The following ZNF135 variants were observed in gnomAD, a reference collection of about 807,000 sequenced individuals.
ZNF135 encodes the protein zinc finger protein 135.
A neutral mutation model predicts 12.3 loss-of-function variants in ZNF135; 11 were observed. The observed-to-expected ratio is 0.89, with a 90% CI of 0.56 to 1.48. The LOEUF (loss-of-function observed/expected upper bound fraction) is 1.48, where lower values mean the gene tolerates loss of function less well. Among genes scored for constraint, ZNF135 ranks in the 40% most tolerant of loss-of-function variants. The pLI, the probability that ZNF135 is intolerant of heterozygous loss-of-function variation, is 0.00. For missense variants in ZNF135, 722 were observed against 815.7 expected, an observed-to-expected ratio of 0.89 and a Z score of 1.40; for synonymous variants, 316 against 312.0, an observed-to-expected ratio of 1.01 and a Z score of -0.14.
rs760932708 is a variant in ZNF135 at position 58,066,989 on chromosome 19, A to T, written c.505A>T (p.Ile169Leu). 1 of 1,614,218 alleles carries T rather than the reference A, an allele frequency of 6.2e-7. No homozygotes were observed. Among genetic ancestry groups the T allele is most frequent in the African/African-American group, 1.3e-5 (1 of 75,068 alleles). ...QWQRNGFGEN[I>L]SLNPDLPHQP... ...GCAGAGGAATGGGTTTGGGGAAAAC[A>T]TAAGTCTGAACCCTGATCTCCCACA... Residue 169 changes from isoleucine (I) to leucine (L), a missense_variant, in exon 5 of 5, where the codon ATA (isoleucine) becomes TTA (leucine). Ile to Leu is a conservative substitution (Grantham distance 5). Coordinates refer to ENST00000313434, the MANE Select transcript of ZNF135 (RefSeq NM_001289401.2).
rs966702382 is a variant in ZNF135 at position 58,060,431 on chromosome 19, T to A, written c.33+396T>A. The A allele has an allele frequency of 3.5e-6, 4 of 1,137,242 alleles. No homozygotes were observed. The African/African-American group carries it at 6.5e-5, about 19-fold the overall frequency. The allele number at this position is 1,137,242 out of a possible 1,614,324, so 70.4% of individuals were successfully genotyped here. The stretch of plus-strand genomic sequence containing the variant: ...GGCACGGGTCCCTGTCTGAGTGGGC[T>A]TTATGTTTGTGCGGCCGTCATTGCA... On this transcript the variant is annotated intron_variant, in intron 2 of 4. Transcript: ENST00000313434. This position sits in a 1 kb window ranked among gnomAD's most constrained non-coding sequence, Gnocchi z 4.9.
rs897103721 is a variant in ZNF135, at chr19:58,060,175, C to A, written c.33+140C>A. 9.9e-6 allele frequency: 15 copies of A among 1,520,634 alleles called. No individual in the cohort carries two copies. In the East Asian group the frequency reaches 2.2e-4, roughly 22 times the overall value. The allele number at this position is 1,520,634 out of a possible 1,614,324, so 94.2% of individuals were successfully genotyped here. ...CCTCCTTGTGCCCGGCCCCTACTTG[C>A]GTGCCCGGCCCCTACTCGTGCCCGG... On this transcript the variant is annotated intron_variant, in intron 2 of 4. Coordinates refer to ENST00000313434, the MANE Select transcript of ZNF135 (RefSeq NM_001289401.2). The surrounding 1 kb of genome is among the most constrained non-coding windows in gnomAD (Gnocchi z 4.9).
rs1353099243 is a variant in ZNF135, at chr19:58,060,855, G to C, written c.34-725G>C. 6.6e-6 allele frequency among the ~76,000 whole-genome samples: 1 copy of C among 152,064 alleles called. No homozygotes were observed. Among genetic ancestry groups the C allele is most frequent in the Non-Finnish European group, 1.5e-5 (1 of 68,008 alleles). ...AACAAACCCAGATTTGGCCGGGCGCGGTGGCTCGCACCTGTAATCCCAGCA... is the reference window on the plus strand; with the variant it reads ...AACAAACCCAGATTTGGCCGGGCGCCGTGGCTCGCACCTGTAATCCCAGCA... On this transcript the variant is annotated intron_variant, in intron 2 of 4. Transcript: ENST00000313434. The surrounding 1 kb of genome is among the most constrained non-coding windows in gnomAD (Gnocchi z 4.9).
In ZNF135 at chr19:58,059,305, A is replaced by C; in HGVS notation, c.-40A>C. The C allele has an allele frequency of 1.6e-6, 2 of 1,278,644 alleles. No individual in the cohort carries two copies. The highest frequency in any genetic ancestry group is 1.3e-5 in the South Asian group (1 of 79,106). The allele number at this position is 1,278,644 out of a possible 1,614,324, so 79.2% of individuals were successfully genotyped here. ...GTGCCGCGGCCTTTGTCTCGCAGTC[A>C]GGAGGGTGAGCTAGGCCGGCGAGGA... On this transcript the variant is annotated 5_prime_UTR_variant, in exon 1 of 5. Coordinates refer to ENST00000313434, the MANE Select transcript of ZNF135 (RefSeq NM_001289401.2). The surrounding 1 kb of genome is among the most constrained non-coding windows in gnomAD (Gnocchi z 6.5).
In ZNF135 at chr19:58,067,071, G is replaced by T. The variant is rs1449744861; in HGVS notation, c.587G>T (p.Arg196Met). The T allele has an allele frequency of 6.2e-7, 1 of 1,614,094 alleles. No homozygotes were observed. Among genetic ancestry groups the T allele is most frequent in the Non-Finnish European group, 8.5e-7 (1 of 1,180,052 alleles). ...SPHTWGTRGKREKPDLNVLQK... is the reference protein window; with the variant it reads ...SPHTWGTRGKMEKPDLNVLQK... ...CACACATGGGGAACACGTGGAAAAA[G>T]GGAGAAGCCAGACCTAAATGTTTTA... The change falls in exon 5 of 5, where the codon AGG (arginine) becomes ATG (methionine). Residue 196 changes from arginine (R) to methionine (M), a missense_variant. Physicochemically the swap from Arg to Met is moderately conservative, Grantham distance 91 (BLOSUM62 -1). Coordinates refer to ENST00000313434, the MANE Select transcript of ZNF135 (RefSeq NM_001289401.2).
chr19:58,066,041 T>G (rs2145933969), intron 4 of ZNF135, among the ~76,000 whole-genome samples: 1 of 152,312 alleles, frequency 6.6e-6, no homozygotes. Context: ...GAGCTCTTGC[T>G]GTGGGCTATA....
chr19:58,060,720 C>T lies in ZNF135; in HGVS notation c.33+685C>T, dbSNP rs984627125. Among the ~76,000 whole-genome samples, 1 of 152,178 alleles carries T rather than the reference C, an allele frequency of 6.6e-6. No homozygotes were observed. The highest frequency in any genetic ancestry group is 2.4e-5 in the African/African-American group (1 of 41,442). On this transcript the variant is annotated intron_variant, in intron 2 of 4. Transcript: ENST00000313434. The surrounding 1 kb of genome is among the most constrained non-coding windows in gnomAD (Gnocchi z 4.9). ...CGATGGCTTGTAGCTGTAATCCCAG[C>T]TATGGGGGAGGATTGCTTGAGCCCA... is the stretch of plus-strand genomic sequence containing the variant.
At position 58,067,392 on chromosome 19, in the gene ZNF135, G is replaced by T; in HGVS notation, c.908G>T (p.Cys303Phe). ...TGEKPYECSE[C>F]GKSFSFRSSF... ...GAGAAGCCCTATGAATGCAGCGAATGTGGGAAATCCTTCAGTTTTAGGTCC... is the reference window on the plus strand; with the variant it reads ...GAGAAGCCCTATGAATGCAGCGAATTTGGGAAATCCTTCAGTTTTAGGTCC... The change falls in exon 5 of 5, where the codon TGT (cysteine) becomes TTT (phenylalanine). Residue 303 changes from cysteine to phenylalanine, a missense_variant. Physicochemically the swap from Cys to Phe is radical, Grantham distance 205. Transcript: ENST00000313434. 6.2e-7 allele frequency: 1 copy of T among 1,614,218 alleles called. No homozygotes were observed. The highest frequency in any genetic ancestry group is 8.5e-7 in the Non-Finnish European group (1 of 1,180,032).
rs745838106 is a variant in ZNF135 at position 58,068,380 on chromosome 19, G to T, written c.1896G>T (p.Lys632Asn). Residue 632 changes from lysine (K) to asparagine (N), a missense_variant, in exon 5 of 5, where the codon AAG becomes AAT. Lys to Asn is a moderately conservative substitution (Grantham distance 94). Transcript: ENST00000313434. ...TQHRRIHTGEKPYACRDCGKA... is the reference protein window; with the variant it reads ...TQHRRIHTGENPYACRDCGKA... ...ACCGGAGGATCCACACAGGAGAGAA[G>T]CCATATGCATGCAGGGACTGTGGAA... 10 of 1,614,064 alleles carry T rather than the reference G, an allele frequency of 6.2e-6. No individual in the cohort carries two copies. The highest frequency in any genetic ancestry group is 8.5e-6 in the Non-Finnish European group (10 of 1,180,040).
In ZNF135 at chr19:58,069,072, A is replaced by G. The variant is rs914249119; in HGVS notation, c.*611A>G. The G allele has an allele frequency of 6.4e-6, 1 of 155,168 alleles. No homozygotes were observed. The highest frequency in any genetic ancestry group is 6.3e-5 in the Admixed American group (1 of 15,920). 9.6% of individuals were successfully genotyped at this position (155,168 alleles called of 1,614,324 possible). On this transcript the variant is annotated 3_prime_UTR_variant, in exon 5 of 5. Coordinates refer to ENST00000313434, the MANE Select transcript of ZNF135 (RefSeq NM_001289401.2). ...AAACAGCTGTCTTGTCTGTGTGTAT[A>G]TTGTTTGATCAGGGTACATGGCAGC...
rs145049334 is a variant in ZNF135, at chr19:58,063,696, C to T, written c.256+155C>T. ...CCCATTTTGCTGTGAGTGACGACAC[C>T]ACGTCCTCATCTCCACTGAATTTAT... On this transcript the variant is annotated intron_variant, in intron 4 of 4. Transcript: ENST00000313434. This position sits in a 1 kb window ranked among gnomAD's most constrained non-coding sequence, Gnocchi z 4.4. 389 of 1,422,426 alleles carry T rather than the reference C, an allele frequency of 2.7e-4. 1 individual carries two copies. In the African/African-American group the frequency reaches 5.3e-3, roughly 19 times the overall value. The allele number at this position is 1,422,426 out of a possible 1,614,324, so 88.1% of individuals were successfully genotyped here.
chr19:58,064,103 C>T (rs546402055), intron 4 of ZNF135, among the ~76,000 whole-genome samples: 73 of 152,310 alleles, frequency 4.8e-4, no homozygotes, highest in African/African-American at 1.4e-3. Flanking sequence ...CTGGGCCCTA[C>T]GCCATGTGCC....
chr19:58,059,340 GAGGCC>G lies in ZNF135; in HGVS notation c.-35+36_-35+40del, dbSNP rs747519393. ...GCTAGGCCGGCGAGGAGGGGGAGGG[GAGGCC>G]AGGCCGGGCCGGGCCGGGCCGGGTG... On this transcript the variant is annotated intron_variant, in intron 1 of 4. Transcript: ENST00000313434. The surrounding 1 kb of genome is among the most constrained non-coding windows in gnomAD (Gnocchi z 6.5). 10 of 1,342,446 alleles carry G rather than the reference GAGGCC, an allele frequency of 7.4e-6. No individual in the cohort carries two copies. The highest frequency in any genetic ancestry group is 4.1e-5 in the African/African-American group (2 of 48,640). 83.2% of individuals were successfully genotyped at this position (1,342,446 alleles called of 1,614,324 possible). A position where few individuals can be genotyped will look rare whatever the true frequency, so the allele number is the denominator to read the frequency against.
At chr19:58,066,410 C>T (rs2074066342) in intron 4 of ZNF135, among the ~76,000 whole-genome samples, 1 of 147,680 alleles carries the variant, frequency 6.8e-6, no homozygotes, top group South Asian at 2.2e-4. Context: ...AGTGCTCTCT[C>T]CTGGGCATCC....
chr19:58,060,989 G>T lies in ZNF135; in HGVS notation c.34-591G>T, dbSNP rs11668842. ...AAAATACAAAAAAAAATTAGCCGGGGGGGTGGCGGGCGCCTGTAGTCCCAG... is the reference window on the plus strand; with the variant it reads ...AAAATACAAAAAAAAATTAGCCGGGTGGGTGGCGGGCGCCTGTAGTCCCAG... On this transcript the variant is annotated intron_variant, in intron 2 of 4. Coordinates refer to ENST00000313434, the MANE Select transcript of ZNF135 (RefSeq NM_001289401.2). The surrounding 1 kb of genome is among the most constrained non-coding windows in gnomAD (Gnocchi z 4.9). Among the ~76,000 whole-genome samples, 4 of 151,752 alleles carry T rather than the reference G, an allele frequency of 2.6e-5. No individual in the cohort carries two copies. Among genetic ancestry groups the T allele is most frequent in the Non-Finnish European group, 2.9e-5 (2 of 67,952 alleles).
At chr19:58,066,611 A>G in intron 4 of ZNF135, 130 bp from the exon 5 acceptor site, 1 of 1,284,326 alleles carries the variant, frequency 7.8e-7, no homozygotes, top group Non-Finnish European at 1.1e-6. Flanking sequence ...ATATTTTTAA[A>G]TGGTCAAAGC....
In ZNF135 at chr19:58,069,308, C is replaced by T. The variant is rs2074130379; in HGVS notation, c.*847C>T. 6.6e-6 allele frequency: 1 copy of T among 152,132 alleles called. No individual in the cohort carries two copies. Among genetic ancestry groups the T allele is most frequent in the Non-Finnish European group, 1.5e-5 (1 of 68,032 alleles). The allele number at this position is 152,132 out of a possible 1,614,324, so 9.4% of individuals were successfully genotyped here. A position where few individuals can be genotyped will look rare whatever the true frequency, so the allele number is the denominator to read the frequency against. ...TCTGTTCTCCCTCTACATTTCTCTGCAGAACTCGCGTTAGAAACACAGATA... is the reference window on the plus strand; with the variant it reads ...TCTGTTCTCCCTCTACATTTCTCTGTAGAACTCGCGTTAGAAACACAGATA... On this transcript the variant is annotated 3_prime_UTR_variant, in exon 5 of 5. Coordinates refer to ENST00000313434, the MANE Select transcript of ZNF135 (RefSeq NM_001289401.2).
chr19:58,066,863 G>A lies in ZNF135; in HGVS notation c.379G>A (p.Glu127Lys). ...LWDGLWYCRG[E>K]DTEGHWEWSC... ...GGATGGTCTGTGGTACTGCAGGGGT[G>A]AGGACACTGAGGGCCACTGGGAATG... Residue 127 changes from glutamate (E) to lysine (K), a missense_variant, in exon 5 of 5, where the codon GAG becomes AAG. By Grantham distance (56) the Glu-to-Lys change is moderately conservative (BLOSUM62 1). Coordinates refer to ENST00000313434, the MANE Select transcript of ZNF135 (RefSeq NM_001289401.2). 6.2e-7 allele frequency: 1 copy of A among 1,614,246 alleles called. No homozygotes were observed. The highest frequency in any genetic ancestry group is 8.5e-7 in the Non-Finnish European group (1 of 1,180,050).
In ZNF135 at chr19:58,067,371, A is replaced by T; in HGVS notation, c.887A>T (p.Lys296Met). The T allele has an allele frequency of 6.2e-7, 1 of 1,614,190 alleles. No homozygotes were observed. The highest frequency in any genetic ancestry group is 1.6e-4 in the Middle Eastern group (1 of 6,062). ...IQHQRTHTGE[K>M]PYECSECGKS... ...CACCAGAGAACTCACACAGGTGAGAAGCCCTATGAATGCAGCGAATGTGGG... is the reference window on the plus strand; with the variant it reads ...CACCAGAGAACTCACACAGGTGAGATGCCCTATGAATGCAGCGAATGTGGG... The change falls in exon 5 of 5, where the codon AAG becomes ATG. Residue 296 changes from lysine to methionine, a missense_variant. Lys to Met is a moderately conservative substitution (Grantham distance 95). Coordinates refer to ENST00000313434, the MANE Select transcript of ZNF135 (RefSeq NM_001289401.2).
Sources: allele counts gnomAD v4.1 joint callset (sites outside exome capture counted in the v4.1 genomes callset), GRCh38; gene constraint gnomAD v4.1.1; non-coding constraint Gnocchi (gnomAD v3.1); transcripts MANE v1.5; gene names NCBI Gene and HGNC (gene_info 2026-07-23, HGNC 2026-07-21).